Variants in PMEPA1 observed in about 807,000 individuals in gnomAD.
The protein encoded by PMEPA1 is prostate transmembrane protein, androgen induced 1, also known as protein TMEPAI.
PMEPA1 carries 11 observed loss-of-function variants against 23.0 expected under a neutral mutation model. That is an observed-to-expected ratio of 0.48 (90% CI 0.30 to 0.79). The LOEUF (loss-of-function observed/expected upper bound fraction) is 0.79, where lower values mean the gene tolerates loss of function less well. Among genes scored for constraint, PMEPA1 ranks in the 30% least tolerant of loss-of-function variants. The pLI is 0.06. For synonymous variants in PMEPA1, 204 were observed against 166.4 expected (o/e 1.23, Z -1.74); for missense variants, 377 against 390.9 (o/e 0.96, Z 0.30).
intron 1 of PMEPA1, among the ~76,000 whole-genome samples, chr20:57,668,351 G>A (rs1274469808): frequency 2.0e-5 from 3 of 152,226 alleles, no homozygotes; most frequent in Non-Finnish European, 4.4e-5. Context: ...GTGACCTTCA[G>A]TAAATCTCCT....
At chr20:57,658,803 G>A (rs971719800) in intron 2 of PMEPA1, among the ~76,000 whole-genome samples, 4 of 152,166 alleles carry the variant, frequency 2.6e-5, no homozygotes, top group African/African-American at 7.2e-5. Flanking sequence ...AGCATAGCAC[G>A]GGCACGAGGG....
At chr20:57,657,949 CCAGCCTGCTCTTTAAA>C (rs1237720549) in intron 2 of PMEPA1, among the ~76,000 whole-genome samples, 1 of 152,224 alleles carries the variant, frequency 6.6e-6, no homozygotes, top group Non-Finnish European at 1.5e-5. Context: ...CCCACAGTTC[CCAGCCTGCTCTTTAAA>C]CAGCCGCTTC....
chr20:57,687,216 G>T (rs1479942727), intron 1 of PMEPA1, among the ~76,000 whole-genome samples: 1 of 152,212 alleles, frequency 6.6e-6, no homozygotes, highest in Non-Finnish European at 1.5e-5. Flanking sequence ...TCCGTTAAGG[G>T]GTTCAACTGA....
chr20:57,708,220 C>T (rs1223055899), intron 1 of PMEPA1, among the ~76,000 whole-genome samples: 4 of 152,224 alleles, frequency 2.6e-5, no homozygotes, highest in Admixed American at 1.3e-4. Flanking sequence ...TTCTCAGCTC[C>T]GGGCCCCAGC....
intron 1 of PMEPA1, among the ~76,000 whole-genome samples, chr20:57,700,659 T>C (rs1048421121): frequency 2.6e-5 from 4 of 152,138 alleles, no homozygotes; most frequent in African/African-American, 9.7e-5. Context: ...TGTTACTAAA[T>C]AAAATTCTCT....
At chr20:57,666,937 A>G (rs1416725461) in intron 1 of PMEPA1, among the ~76,000 whole-genome samples, 1 of 152,252 alleles carries the variant, frequency 6.6e-6, no homozygotes, top group Non-Finnish European at 1.5e-5. Context: ...AATAGTTTCC[A>G]AACTCCGAAG....
At chr20:57,669,768 G>A (rs1041577795) in intron 1 of PMEPA1, among the ~76,000 whole-genome samples, 1 of 152,148 alleles carries the variant, frequency 6.6e-6, no homozygotes, top group African/African-American at 2.4e-5. Flanking sequence ...GCCAGCTGTG[G>A]GTCCCTCGAG....
At chr20:57,690,441 A>G in intron 1 of PMEPA1, 1 of 1,304,332 alleles carries the variant, frequency 7.7e-7, no homozygotes, top group Non-Finnish European at 1.0e-6. Context: ...CCTGTCATTT[A>G]TCAAATTCTT....
intron 1 of PMEPA1, among the ~76,000 whole-genome samples, chr20:57,695,539 C>T (rs745328278): frequency 1.3e-5 from 2 of 152,258 alleles, no homozygotes; most frequent in Non-Finnish European, 2.9e-5. Flanking sequence ...GCGGCTCACG[C>T]CTGTAATCTT....
rs2071221709 is a variant in PMEPA1, at chr20:57,651,138, T to C, written c.*915A>G. 1 of 152,260 alleles carries C rather than the reference T, an allele frequency of 6.6e-6. No individual in the cohort carries two copies. Among genetic ancestry groups the C allele is most frequent in the African/African-American group, 2.4e-5 (1 of 41,466 alleles). 9.4% of individuals were successfully genotyped at this position (152,260 alleles called of 1,614,324 possible). A position where few individuals can be genotyped will look rare whatever the true frequency, so the allele number is the denominator to read the frequency against. Reference sequence around the variant, plus strand: ...AACTCGGTGCCTCCGTGGTTAACTTTCCTATTTTGCTTGTGATTTAAAGGC... The same window carrying C: ...AACTCGGTGCCTCCGTGGTTAACTTCCCTATTTTGCTTGTGATTTAAAGGC... On this transcript the variant is annotated 3_prime_UTR_variant, in exon 4 of 4. Transcript: ENST00000341744.
chr20:57,674,490 G>C (rs915815842), intron 1 of PMEPA1, among the ~76,000 whole-genome samples: 2 of 152,216 alleles, frequency 1.3e-5, no homozygotes, highest in African/African-American at 2.4e-5. Context: ...AATACACCTT[G>C]TTTAGACAGA....
chr20:57,657,512 G>T (rs993852643), intron 2 of PMEPA1, among the ~76,000 whole-genome samples: 1 of 152,234 alleles, frequency 6.6e-6, no homozygotes, highest in African/African-American at 2.4e-5. Context: ...CTTGTTGCTG[G>T]AGTGGTAGCA....
upstream of PMEPA1, chr20:57,710,039 G>C (rs2072151345): frequency 1.0e-6 from 1 of 1,000,192 alleles, no homozygotes; most frequent in Non-Finnish European, 1.2e-6. Flanking sequence ...GGGGCTGCCG[G>C]TTCCCACCGC....
intron 1 of PMEPA1, among the ~76,000 whole-genome samples, chr20:57,665,137 C>A (rs1006076800): frequency 7.2e-5 from 11 of 152,216 alleles, no homozygotes; most frequent in African/African-American, 2.4e-4. Flanking sequence ...TCACTGTAGT[C>A]ACTGTAAGTA....
intron 1 of PMEPA1, among the ~76,000 whole-genome samples, chr20:57,674,850 T>A (rs556196533): frequency 6.6e-6 from 1 of 152,236 alleles, no homozygotes; most frequent in African/African-American, 2.4e-5. Flanking sequence ...AATTCTACTG[T>A]GATCTGTCCT....
At chr20:57,661,526 T>C (rs2042840186) in intron 1 of PMEPA1, among the ~76,000 whole-genome samples, 1 of 152,114 alleles carries the variant, frequency 6.6e-6, no homozygotes, top group Non-Finnish European at 1.5e-5. Flanking sequence ...TTAGCCAGGC[T>C]CCCTGGGGGC....
At chr20:57,705,076 G>A (rs991990893) in intron 1 of PMEPA1, among the ~76,000 whole-genome samples, 3 of 152,220 alleles carry the variant, frequency 2.0e-5, no homozygotes, top group African/African-American at 7.2e-5. Flanking sequence ...CCAAAGAGAA[G>A]AGGGCAGGAA....
chr20:57,703,005 C>G (rs546867933), intron 1 of PMEPA1, among the ~76,000 whole-genome samples: 1 of 152,230 alleles, frequency 6.6e-6, no homozygotes. Context: ...GGATTTTTCC[C>G]GGTTTGGTGA....
At chr20:57,703,967 G>A (rs187183753) in intron 1 of PMEPA1, among the ~76,000 whole-genome samples, 6 of 152,236 alleles carry the variant, frequency 3.9e-5, no homozygotes, top group African/African-American at 9.6e-5. Flanking sequence ...GGGGCACAAA[G>A]GGGACACGGC....
Sources: allele counts gnomAD v4.1 joint callset (sites outside exome capture counted in the v4.1 genomes callset), GRCh38; gene constraint gnomAD v4.1.1; transcripts MANE v1.5; gene names NCBI Gene and HGNC (gene_info 2026-07-23, HGNC 2026-07-21).